Variants in MCTP1 observed in about 807,000 individuals in gnomAD.
The protein encoded by MCTP1 is multiple C2 and transmembrane domain-containing protein 1.
MCTP1 carries 69 observed loss-of-function variants against 120.6 expected under a neutral mutation model. The ratio of observed to expected loss-of-function variants is 0.57; its 90% CI spans 0.47 to 0.70. The LOEUF (loss-of-function observed/expected upper bound fraction) is 0.70. MCTP1 is among the 30% of genes least tolerant of loss of function. The probability of loss-of-function intolerance (pLI) is 0.00; values close to 1 mark genes in which losing one functional copy is unlikely to be tolerated. For synonymous variants in MCTP1, 529 were observed against 493.1 expected, an observed-to-expected ratio of 1.07 and a Z score of -0.96; for missense variants, 1,203 against 1,248.8, an observed-to-expected ratio of 0.96 and a Z score of 0.55.
In MCTP1 at chr5:94,942,330, C is replaced by G. The variant is rs1479966394; in HGVS notation, c.1061+18G>C. 5 of 1,591,568 alleles carry G rather than the reference C, an allele frequency of 3.1e-6. No individual in the cohort carries two copies. The highest frequency in any genetic ancestry group is 1.7e-5 in the Admixed American group (1 of 59,754). On this transcript the variant is annotated intron_variant, in intron 4 of 22. Transcript: ENST00000515393. ...TGCATGACAAGGGGTGGTGATATTACAGCAGTTCAAAAGTTACCTGTTTAA... is the reference window on the plus strand; with the variant it reads ...TGCATGACAAGGGGTGGTGATATTAGAGCAGTTCAAAAGTTACCTGTTTAA...
chr5:94,789,227 A>G (rs563554551), intron 18 of MCTP1: 1 of 152,348 alleles, frequency 6.6e-6, no homozygotes, highest in East Asian at 1.9e-4. Flanking sequence ...AAGATGGTGG[A>G]GGCTAAAATA....
chr5:95,149,754 G>T (rs1216060205), intron 1 of MCTP1, among the ~76,000 whole-genome samples: 1 of 152,162 alleles, frequency 6.6e-6, no homozygotes, highest in Non-Finnish European at 1.5e-5. Flanking sequence ...GCTCCCTGCG[G>T]CCTTAAGCGG....
At chr5:94,771,057 C>CA (rs1462757667) in intron 19 of MCTP1, among the ~76,000 whole-genome samples, 5 of 152,192 alleles carry the variant, frequency 3.3e-5, no homozygotes, top group African/African-American at 1.2e-4. Context: ...TCAAGCCAAA[C>CA]ACCACCCTTC....
intron 19 of MCTP1, among the ~76,000 whole-genome samples, chr5:94,746,719 A>G (rs933382107): frequency 6.6e-6 from 1 of 152,212 alleles, no homozygotes; most frequent in Non-Finnish European, 1.5e-5. Context: ...TAGGTAAATT[A>G]TTCTAGAAAT....
Position 95,230,104 on chromosome 5 carries a change from C to G in MCTP1, c.720+53752G>C, listed in dbSNP as rs114532708. On this transcript the variant is annotated intron_variant, in intron 1 of 22. Coordinates refer to ENST00000515393, the MANE Select transcript of MCTP1 (RefSeq NM_024717.7). ...GAGGAAGGTACCTTTCTTTAGTTAA[C>G]AAACTCTTATAAACCATTTTCCATG... Among the ~76,000 whole-genome samples, 833 of 152,064 alleles carry G rather than the reference C, an allele frequency of 5.5e-3. 11 individuals carry two copies. Among genetic ancestry groups the G allele is most frequent in the African/African-American group, 0.019 (778 of 41,504 alleles).
chr5:94,871,583 A>G (rs1797863096), intron 13 of MCTP1, among the ~76,000 whole-genome samples, 166 bp from the exon 14 acceptor site: 2 of 152,168 alleles, frequency 1.3e-5, no homozygotes. Flanking sequence ...AGAATTTCCC[A>G]TAATGCACCT....
At chr5:94,858,237 AATG>A (rs777133084) in intron 17 of MCTP1, among the ~76,000 whole-genome samples, 27 of 151,766 alleles carry the variant, frequency 1.8e-4, no homozygotes, top group Non-Finnish European at 3.5e-4. Context: ...TTGGAGGCCA[AATG>A]ATATTTCTTG....
chr5:94,912,428 CAAAAAAAAAAAAAAAAAA>C lies in MCTP1; in HGVS notation c.1521+360_1521+377del, dbSNP rs564439495. Among the ~76,000 whole-genome samples the C allele has an allele frequency of 3.2e-3, 102 of 31,444 alleles. No individual in the cohort carries two copies. The East Asian group carries it at 0.12, about 36-fold the overall frequency. The allele number at this position is 31,444 out of a possible 152,430, so 20.6% of individuals were successfully genotyped here. A position where few individuals can be genotyped will look rare whatever the true frequency, so the allele number is the denominator to read the frequency against. ...GCCTGGTGACAGAGTGAGACTCCAT[CAAAAAAAAAAAAAAAAAA>C]AAAAAAAAAAAAAAAAAAAAGCCGC... is the stretch of plus-strand genomic sequence containing the variant. On this transcript the variant is annotated intron_variant, in intron 9 of 22. Transcript: ENST00000515393.
intron 17 of MCTP1, among the ~76,000 whole-genome samples, chr5:94,827,229 G>A (rs1787343302): frequency 2.0e-5 from 3 of 152,126 alleles, no homozygotes; most frequent in Non-Finnish European, 4.4e-5. Context: ...CACTTATGAA[G>A]CTAAGTTTGG....
At chr5:94,937,274 C>CA (rs1163519898) in intron 5 of MCTP1, among the ~76,000 whole-genome samples, 1 of 151,816 alleles carries the variant, frequency 6.6e-6, no homozygotes, top group Non-Finnish European at 1.5e-5. Context: ...GTAATGAATG[C>CA]AAAAAAACTT....
At chr5:95,126,208 G>T (rs1481559599) in intron 1 of MCTP1, among the ~76,000 whole-genome samples, 3 of 152,170 alleles carry the variant, frequency 2.0e-5, no homozygotes, top group African/African-American at 7.2e-5. Flanking sequence ...AGAGAAACCA[G>T]TTACCTCTAC....
chr5:94,720,541 C>T lies in MCTP1; in HGVS notation c.2611-5655G>A, dbSNP rs529443554. Among the ~76,000 whole-genome samples the T allele has an allele frequency of 1.4e-4, 22 of 152,008 alleles. No homozygotes were observed. The South Asian group carries it at 2.3e-3, about 16-fold the overall frequency. ...AAAGAATATATAATGACATCAAAAA[C>T]GCTTATGATCTAATATATATAGTGT... On this transcript the variant is annotated intron_variant, in intron 19 of 22. Transcript: ENST00000515393.
At chr5:95,155,372 GT>G (rs1745004194) in intron 1 of MCTP1, among the ~76,000 whole-genome samples, 1 of 152,116 alleles carries the variant, frequency 6.6e-6, no homozygotes, top group Non-Finnish European at 1.5e-5. Context: ...AGGCAAGATT[GT>G]TGGACTCTTG....
At chr5:94,780,336 A>C (rs1476759911) in intron 18 of MCTP1, among the ~76,000 whole-genome samples, 2 of 152,090 alleles carry the variant, frequency 1.3e-5, no homozygotes, top group Non-Finnish European at 2.9e-5. Context: ...CTGTATTATG[A>C]AAAGAGTTAC....
Position 94,870,989 on chromosome 5 carries a change from A to C in MCTP1, c.2140-16T>G. The stretch of plus-strand genomic sequence containing the variant: ...CATTTTGAATCTGCGGGAAAAGGAC[A>C]TGACAGCCGTCTGTCTCGCGGTCTC... On this transcript the variant is annotated splice_polypyrimidine_tract_variant and intron_variant, in intron 14 of 22. Coordinates refer to ENST00000515393, the MANE Select transcript of MCTP1 (RefSeq NM_024717.7). 1.2e-6 allele frequency: 2 copies of C among 1,602,426 alleles called. No individual in the cohort carries two copies. The highest frequency in any genetic ancestry group is 1.7e-6 in the Non-Finnish European group (2 of 1,169,894).
At chr5:95,166,303 T>C (rs1343474133) in intron 1 of MCTP1, 1 of 152,126 alleles carries the variant, frequency 6.6e-6, no homozygotes, top group African/African-American at 2.4e-5. Flanking sequence ...AGTTCTCCAA[T>C]CAAGGGAGCC....
intron 1 of MCTP1, among the ~76,000 whole-genome samples, chr5:95,227,866 C>T (rs1754460805): frequency 6.6e-6 from 1 of 151,784 alleles, no homozygotes; most frequent in Admixed American, 6.6e-5. Context: ...ATGTCTCTGC[C>T]CTCTAAAAGC....
intron 19 of MCTP1, among the ~76,000 whole-genome samples, chr5:94,730,417 C>T (rs556020182): frequency 1.3e-5 from 2 of 152,332 alleles, no homozygotes; most frequent in South Asian, 4.1e-4. Context: ...TCCCAAGGTG[C>T]TGAGATTACA....
chr5:95,259,275 A>G (rs547357923), intron 1 of MCTP1, among the ~76,000 whole-genome samples: 5 of 152,168 alleles, frequency 3.3e-5, no homozygotes, highest in African/African-American at 1.2e-4. Context: ...CCCAACCTGG[A>G]CTTCCTTTGA....
Sources: gnomAD v4.1 joint callset for allele counts (sites outside exome capture counted in the v4.1 genomes callset) on GRCh38, gnomAD v4.1.1 for gene constraint, MANE v1.5 for transcripts, NCBI Gene and HGNC (gene_info 2026-07-23, HGNC 2026-07-21) for gene names.